PLCL1: variants seen among roughly 807,000 people sequenced by gnomAD.
The protein encoded by PLCL1 is phospholipase C like 1 (inactive), also known as inactive phospholipase C-like protein 1.
Under a neutral mutation model 84.4 loss-of-function variants are expected in PLCL1, and 41 were observed. The ratio of observed to expected loss-of-function variants is 0.49; its 90% CI spans 0.38 to 0.63. PLCL1 has a LOEUF of 0.63. Among genes scored for constraint, PLCL1 ranks in the 30% least tolerant of loss-of-function variants. PLCL1 has a pLI of 0.00. For missense variants in PLCL1, 1,206 were observed against 1,367.8 expected, an observed-to-expected ratio of 0.88 and a Z score of 1.87; for synonymous variants, 490 against 488.3, an observed-to-expected ratio of 1.00 and a Z score of -0.05.
At chr2:197,906,779 T>C (rs1688390872) in intron 1 of PLCL1, among the ~76,000 whole-genome samples, 1 of 152,220 alleles carries the variant, frequency 6.6e-6, no homozygotes, top group Non-Finnish European at 1.5e-5. Flanking sequence ...GTCCTTCACA[T>C]CCCTTGTAAG....
At chr2:198,043,418 C>T (rs1381740655) in intron 1 of PLCL1, among the ~76,000 whole-genome samples, 1 of 152,108 alleles carries the variant, frequency 6.6e-6, no homozygotes. Context: ...TAGGTGAAGT[C>T]CTGTGTTAGG....
chr2:197,869,308 G>A (rs1309043928), intron 1 of PLCL1, among the ~76,000 whole-genome samples: 1 of 151,804 alleles, frequency 6.6e-6, no homozygotes, highest in Non-Finnish European at 1.5e-5. Context: ...TATTTTAAGA[G>A]CAATACACTT....
intron 1 of PLCL1, among the ~76,000 whole-genome samples, chr2:197,931,855 G>C (rs527797191): frequency 6.6e-6 from 1 of 152,238 alleles, no homozygotes; most frequent in African/African-American, 2.4e-5. Context: ...AACATGAAAG[G>C]GGAAGTGGAG....
At chr2:198,036,263 G>A (rs1691549253) in intron 1 of PLCL1, among the ~76,000 whole-genome samples, 1 of 152,178 alleles carries the variant, frequency 6.6e-6, no homozygotes, top group South Asian at 2.1e-4. Context: ...TACCATGTGT[G>A]TGAATATCTA....
At chr2:197,926,222 G>T (rs1688826924) in intron 1 of PLCL1, among the ~76,000 whole-genome samples, 1 of 152,184 alleles carries the variant, frequency 6.6e-6, no homozygotes, top group Non-Finnish European at 1.5e-5. Context: ...AACCCTGTGG[G>T]AGAGGTCAGA....
intron 1 of PLCL1, among the ~76,000 whole-genome samples, chr2:197,838,528 A>T (rs185414164): frequency 1.3e-5 from 2 of 152,356 alleles, no homozygotes; most frequent in African/African-American, 4.8e-5. Context: ...ATCACAAAGA[A>T]CATAACATGC....
chr2:198,028,633 G>A (rs1691331016), intron 1 of PLCL1, among the ~76,000 whole-genome samples: 1 of 152,150 alleles, frequency 6.6e-6, no homozygotes, highest in African/African-American at 2.4e-5. Flanking sequence ...AGAGATCACG[G>A]TCATATTTTT....
At chr2:197,905,056 A>G (rs1277348374) in intron 1 of PLCL1, among the ~76,000 whole-genome samples, 2 of 151,912 alleles carry the variant, frequency 1.3e-5, no homozygotes, top group African/African-American at 4.8e-5. Flanking sequence ...CAAATGCTTC[A>G]TTTTTTTTCT....
intron 1 of PLCL1, among the ~76,000 whole-genome samples, chr2:197,943,640 T>C (rs1430732908): frequency 6.6e-6 from 1 of 151,340 alleles, no homozygotes; most frequent in Non-Finnish European, 1.5e-5. Context: ...TTTTTTTTTT[T>C]TTTTTTGTTA....
chr2:198,044,229 C>T (rs1691734996), intron 1 of PLCL1, among the ~76,000 whole-genome samples: 1 of 152,212 alleles, frequency 6.6e-6, no homozygotes, highest in Admixed American at 6.5e-5. Flanking sequence ...TCCCCTTCCA[C>T]ACATTCAACT....
At chr2:198,099,995 C>A (rs1359014049) in intron 3 of PLCL1, among the ~76,000 whole-genome samples, 1 of 151,634 alleles carries the variant, frequency 6.6e-6, no homozygotes, top group Non-Finnish European at 1.5e-5. Flanking sequence ...AATGAGGAAG[C>A]CTAGGAAAAA....
chr2:197,968,640 A>G (rs1046563553), intron 1 of PLCL1, among the ~76,000 whole-genome samples: 5 of 152,152 alleles, frequency 3.3e-5, no homozygotes, highest in African/African-American at 1.2e-4. Flanking sequence ...ATAAAAAATT[A>G]TTTTATCTAA....
intron 1 of PLCL1, among the ~76,000 whole-genome samples, chr2:198,028,050 A>C (rs1691315562): frequency 6.6e-6 from 1 of 152,134 alleles, no homozygotes; most frequent in Non-Finnish European, 1.5e-5. Flanking sequence ...CATGTTGCCC[A>C]GTCTGGTCTT....
chr2:197,910,150 C>A (rs1157513039), intron 1 of PLCL1, among the ~76,000 whole-genome samples: 1 of 152,172 alleles, frequency 6.6e-6, no homozygotes, highest in Non-Finnish European at 1.5e-5. Flanking sequence ...AGATGGTTAG[C>A]ATATCTTCTT....
At chr2:198,135,723 G>A (rs1488909184) in intron 5 of PLCL1, among the ~76,000 whole-genome samples, 1 of 152,170 alleles carries the variant, frequency 6.6e-6, no homozygotes, top group East Asian at 1.9e-4. Flanking sequence ...CACCCCCGTA[G>A]GAACCTATCT....
rs1221200573 is a variant in PLCL1, at chr2:197,931,697, C to CA, written c.240+126359dup. Among the ~76,000 whole-genome samples the CA allele has an allele frequency of 1.2e-3, 148 of 121,744 alleles. 1 individual carries two copies. The highest frequency in any genetic ancestry group is 2.8e-3 in the South Asian group (7 of 2,534). 79.9% of individuals were successfully genotyped at this position (121,744 alleles called of 152,430 possible). A position where few individuals can be genotyped will look rare whatever the true frequency, so the allele number is the denominator to read the frequency against. ...CCAACCACCCACCCACCCACCCACC[C>CA]ACCCAACCATCCAATCACCCAACCA... On this transcript the variant is annotated intron_variant, in intron 1 of 5. Coordinates refer to ENST00000428675, the MANE Select transcript of PLCL1 (RefSeq NM_006226.4).
At chr2:197,939,274 T>G (rs1689109625) in intron 1 of PLCL1, among the ~76,000 whole-genome samples, 1 of 152,148 alleles carries the variant, frequency 6.6e-6, no homozygotes, top group Admixed American at 6.5e-5. Context: ...TACAGCAGTG[T>G]CTCTTAACCC....
At chr2:197,982,195 G>T (rs1196311855) in intron 1 of PLCL1, among the ~76,000 whole-genome samples, 5 of 149,892 alleles carry the variant, frequency 3.3e-5, no homozygotes, top group Admixed American at 2.0e-4. Context: ...TTAATCAATA[G>T]AATTTATGTA....
At chr2:198,006,249 A>G (rs1438357512) in intron 1 of PLCL1, among the ~76,000 whole-genome samples, 1 of 152,196 alleles carries the variant, frequency 6.6e-6, no homozygotes, top group Non-Finnish European at 1.5e-5. Flanking sequence ...TGATAATGGC[A>G]TTAATTTTCT....
Sources: gnomAD v4.1 joint callset for allele counts (sites outside exome capture counted in the v4.1 genomes callset) on GRCh38, gnomAD v4.1.1 for gene constraint, MANE v1.5 for transcripts, NCBI Gene and HGNC (gene_info 2026-07-23, HGNC 2026-07-21) for gene names.